The following CNTN5 variants were observed in gnomAD, a reference collection of about 807,000 sequenced individuals.
CNTN5 encodes contactin 5.
CNTN5 carries 77 observed loss-of-function variants against 129.1 expected under a neutral mutation model. The ratio of observed to expected loss-of-function variants is 0.60; its 90% CI spans 0.50 to 0.72. CNTN5 has a LOEUF of 0.72. Among genes scored for constraint, CNTN5 ranks in the 30% least tolerant of loss-of-function variants. The pLI is 0.00. For synonymous variants in CNTN5, 509 were observed against 465.6 expected (o/e 1.09, Z -1.20); for missense variants, 1,478 against 1,328.8 (o/e 1.11, Z -1.75).
At chr11:99,999,361 C>A (rs1939696023) in intron 8 of CNTN5, among the ~76,000 whole-genome samples, 1 of 152,192 alleles carries the variant, frequency 6.6e-6, no homozygotes, top group African/African-American at 2.4e-5. Flanking sequence ...TGAACAGACA[C>A]TTCTCAAAAG....
rs559365543 is a variant in CNTN5 at position 99,041,178 on chromosome 11, C to G, written c.-210+19908C>G. On this transcript the variant is annotated intron_variant, in intron 1 of 24. Coordinates refer to ENST00000524871, the MANE Select transcript of CNTN5 (RefSeq NM_014361.4). ...CCAGGAGCCAACTCCAATAACTTTTCTCTTTATTTTAAAATTTGCCTGTAA... is the reference window on the plus strand; with the variant it reads ...CCAGGAGCCAACTCCAATAACTTTTGTCTTTATTTTAAAATTTGCCTGTAA... Among the ~76,000 whole-genome samples the G allele has an allele frequency of 2.6e-5, 4 of 152,204 alleles. 1 individual carries two copies. In the South Asian group the frequency reaches 6.2e-4, roughly 24 times the overall value.
At chr11:99,898,998 G>T (rs1949281692) in intron 6 of CNTN5, among the ~76,000 whole-genome samples, 1 of 151,894 alleles carries the variant, frequency 6.6e-6, no homozygotes, top group Non-Finnish European at 1.5e-5. Flanking sequence ...AAACTAAGCT[G>T]TTGAGATCTT....
chr11:99,310,403 G>A (rs926320813), intron 1 of CNTN5, among the ~76,000 whole-genome samples: 21 of 151,594 alleles, frequency 1.4e-4, no homozygotes, highest in Admixed American at 8.6e-4. Context: ...AACTTGATGC[G>A]TGATAAATTA....
intron 7 of CNTN5, among the ~76,000 whole-genome samples, chr11:99,945,531 T>G (rs1458393119): frequency 6.7e-6 from 1 of 150,016 alleles, no homozygotes; most frequent in Non-Finnish European, 1.5e-5. Context: ...GGCTAGAATT[T>G]TCAATAATAA....
intron 18 of CNTN5, among the ~76,000 whole-genome samples, chr11:100,285,681 C>A (rs939884209): frequency 6.6e-6 from 1 of 152,212 alleles, no homozygotes; most frequent in Non-Finnish European, 1.5e-5. Context: ...TATTCCGTCC[C>A]TTCATTCTCT....
chr11:100,087,762 C>T (rs1226237751), intron 13 of CNTN5, among the ~76,000 whole-genome samples: 1 of 151,816 alleles, frequency 6.6e-6, no homozygotes, highest in Non-Finnish European at 1.5e-5. Flanking sequence ...CTTAACTTGA[C>T]CAACTGGACT....
chr11:100,276,960 AC>A (rs1168702613), intron 18 of CNTN5, among the ~76,000 whole-genome samples: 1 of 151,156 alleles, frequency 6.6e-6, no homozygotes, highest in African/African-American at 2.4e-5. Context: ...CTTCCCCCCA[AC>A]CCCCACTACC....
chr11:99,333,811 C>T (rs1231746286), intron 2 of CNTN5, among the ~76,000 whole-genome samples: 1 of 151,950 alleles, frequency 6.6e-6, no homozygotes, highest in Non-Finnish European at 1.5e-5. Context: ...TTAACTCTCT[C>T]TAGTGTCTTC....
chr11:99,246,811 A>G (rs1861835442), intron 1 of CNTN5, among the ~76,000 whole-genome samples: 1 of 152,158 alleles, frequency 6.6e-6, no homozygotes, highest in African/African-American at 2.4e-5. Flanking sequence ...AATATTGACA[A>G]AGCAAGAATC....
At chr11:100,307,528 A>T (rs1420964969) in intron 20 of CNTN5, among the ~76,000 whole-genome samples, 1 of 148,752 alleles carries the variant, frequency 6.7e-6, no homozygotes, top group East Asian at 2.0e-4. Context: ...AAAAAAAAAA[A>T]TAGTGTGAAA....
At chr11:99,331,320 C>T (rs1414570221) in intron 2 of CNTN5, among the ~76,000 whole-genome samples, 1 of 151,944 alleles carries the variant, frequency 6.6e-6, no homozygotes, top group Non-Finnish European at 1.5e-5. Flanking sequence ...ATATATTACT[C>T]ATCAAAAATT....
intron 3 of CNTN5, among the ~76,000 whole-genome samples, chr11:99,602,799 C>T (rs868472746): frequency 2.7e-5 from 4 of 148,212 alleles, no homozygotes; most frequent in Non-Finnish European, 6.0e-5. Flanking sequence ...CCCTGACCCC[C>T]GAGCAGCCTA....
intron 8 of CNTN5, among the ~76,000 whole-genome samples, chr11:99,974,743 A>G (rs1244186167): frequency 2.0e-5 from 3 of 152,200 alleles, no homozygotes; most frequent in Admixed American, 1.3e-4. Context: ...CAAATTATCT[A>G]TCAAGAGAAT....
intron 2 of CNTN5, among the ~76,000 whole-genome samples, chr11:99,473,604 T>C (rs186303724): frequency 5.3e-5 from 8 of 152,178 alleles, no homozygotes; most frequent in African/African-American, 1.9e-4. Context: ...AACTTAAAGA[T>C]TGAGATTTAT....
At chr11:99,867,447 G>A (rs147875931) in intron 6 of CNTN5, among the ~76,000 whole-genome samples, 4 of 152,258 alleles carry the variant, frequency 2.6e-5, no homozygotes, top group African/African-American at 7.2e-5. Flanking sequence ...ATTCCAATAC[G>A]GGTCTTGCAG....
At chr11:99,737,065 C>A (rs938597662) in intron 3 of CNTN5, among the ~76,000 whole-genome samples, 1 of 152,046 alleles carries the variant, frequency 6.6e-6, no homozygotes, top group Non-Finnish European at 1.5e-5. Context: ...ATAGTCTCCA[C>A]GTTTTGCCCT....
chr11:99,212,006 T>C (rs1417163976), intron 1 of CNTN5, among the ~76,000 whole-genome samples: 1 of 152,232 alleles, frequency 6.6e-6, no homozygotes, highest in Non-Finnish European at 1.5e-5. Flanking sequence ...TACTGTGTTT[T>C]GGAACAACTT....
At chr11:99,720,500 G>A (rs968749517) in intron 3 of CNTN5, among the ~76,000 whole-genome samples, 3 of 152,018 alleles carry the variant, frequency 2.0e-5, no homozygotes, top group African/African-American at 4.8e-5. Context: ...GGTATTGAAA[G>A]AACGTAACTC....
intron 1 of CNTN5, among the ~76,000 whole-genome samples, chr11:99,257,497 A>G (rs1862427146): frequency 6.6e-6 from 1 of 152,122 alleles, no homozygotes; most frequent in Admixed American, 6.6e-5. Flanking sequence ...AGAACACTTC[A>G]TAGTGATTGT....
Sources: gnomAD v4.1 joint callset for allele counts (sites outside exome capture counted in the v4.1 genomes callset) on GRCh38, gnomAD v4.1.1 for gene constraint, MANE v1.5 for transcripts, NCBI Gene and HGNC (gene_info 2026-07-23, HGNC 2026-07-21) for gene names.